Variants in IARS1 observed in about 807,000 individuals in gnomAD.
The protein encoded by IARS1 is isoleucine--tRNA ligase, cytoplasmic.
IARS1 carries 124 observed loss-of-function variants against 168.2 expected under a neutral mutation model. The observed-to-expected ratio is 0.74, with a 90% CI of 0.64 to 0.86. The LOEUF (loss-of-function observed/expected upper bound fraction) is 0.86. Ranked by LOEUF, IARS1 falls within the 40% of genes least tolerant of loss-of-function variation. The pLI, the probability that IARS1 is intolerant of heterozygous loss-of-function variation, is 0.00. For synonymous variants in IARS1, 532 were observed against 529.4 expected, an observed-to-expected ratio of 1.00 and a Z score of -0.07; for missense variants, 1,452 against 1,515.8, an observed-to-expected ratio of 0.96 and a Z score of 0.70.
At chr9:92,214,719 TA>T (rs1838342496) in intron 33 of IARS1, among the ~76,000 whole-genome samples, 1 of 152,148 alleles carries the variant, frequency 6.6e-6, no homozygotes, top group South Asian at 2.1e-4. Context: ...CCGATGGGCT[TA>T]AAAAACGGCG....
chr9:92,259,694 T>G (rs774949285), intron 18 of IARS1, among the ~76,000 whole-genome samples: 5 of 152,200 alleles, frequency 3.3e-5, no homozygotes, highest in Non-Finnish European at 7.3e-5. Flanking sequence ...GTTTCATGAT[T>G]ACAGCTACCT....
chr9:92,247,152 C>T (rs1829317566), intron 26 of IARS1, among the ~76,000 whole-genome samples: 1 of 152,038 alleles, frequency 6.6e-6, no homozygotes, highest in Non-Finnish European at 1.5e-5. Context: ...CAAGATCGCG[C>T]CACTGTGCTC....
intron 1 of IARS1, among the ~76,000 whole-genome samples, chr9:92,290,431 C>T (rs1836141200): frequency 6.6e-6 from 1 of 152,124 alleles, no homozygotes; most frequent in African/African-American, 2.4e-5. Context: ...TGTATACATC[C>T]TGGATACAAA....
At chr9:92,279,656 C>A (rs1014751380) in intron 7 of IARS1, among the ~76,000 whole-genome samples, 5 of 152,190 alleles carry the variant, frequency 3.3e-5, no homozygotes, top group Admixed American at 1.3e-4. Flanking sequence ...TGTTTTAATA[C>A]AACTATTTTT....
chr9:92,211,529 T>A (rs1837765828), intron 33 of IARS1, among the ~76,000 whole-genome samples: 1 of 152,164 alleles, frequency 6.6e-6, no homozygotes, highest in African/African-American at 2.4e-5. Context: ...GGGGGTCTTG[T>A]GTGGATCTTT....
At chr9:92,278,710 G>T (rs1834101828) in intron 7 of IARS1, among the ~76,000 whole-genome samples, 2 of 152,136 alleles carry the variant, frequency 1.3e-5, no homozygotes. Flanking sequence ...AGGTAAATGT[G>T]TAAGTTCTTT....
At chr9:92,265,424 C>CAGGT in intron 15 of IARS1, 56 bp downstream of exon 15, 2 of 1,453,742 alleles carry the variant, frequency 1.4e-6, no homozygotes, top group Non-Finnish European at 1.9e-6. Flanking sequence ...TGCTAGAGAC[C>CAGGT]AGGTCTTAAT....
chr9:92,252,485 G>A, intron 21 of IARS1: 1 of 462,948 alleles, frequency 2.2e-6, no homozygotes, highest in Non-Finnish European at 4.3e-6. Flanking sequence ...AGACATGACT[G>A]GCCAGGCACG....
At chr9:92,260,013 CA>C in intron 18 of IARS1, 137 bp downstream of exon 18, 1 of 635,212 alleles carries the variant, frequency 1.6e-6, no homozygotes, top group Non-Finnish European at 2.8e-6. Context: ...ACAACCATAC[CA>C]ACATAACATC....
intron 14 of IARS1, among the ~76,000 whole-genome samples, chr9:92,267,882 C>T (rs926548984): frequency 6.6e-6 from 1 of 151,780 alleles, no homozygotes; most frequent in African/African-American, 2.4e-5. Flanking sequence ...GAAAAGACAT[C>T]GGGGAAACAC....
intron 30 of IARS1, among the ~76,000 whole-genome samples, chr9:92,237,417 A>T (rs1827701096): frequency 6.6e-6 from 1 of 152,162 alleles, no homozygotes; most frequent in Non-Finnish European, 1.5e-5. Context: ...AACTGTATTA[A>T]TTGGTTGAGG....
chr9:92,278,864 G>T (rs1477961367), intron 7 of IARS1, among the ~76,000 whole-genome samples: 1 of 152,098 alleles, frequency 6.6e-6, no homozygotes, highest in East Asian at 1.9e-4. Flanking sequence ...ATAGAGGTAC[G>T]AATTATTTCT....
chr9:92,291,449 T>C (rs1228014552), intron 1 of IARS1, among the ~76,000 whole-genome samples: 2 of 152,216 alleles, frequency 1.3e-5, no homozygotes, highest in South Asian at 4.1e-4. Flanking sequence ...CATTTTCTTT[T>C]ACCCTCATTA....
chr9:92,250,615 G>A, intron 23 of IARS1, 98 bp downstream of exon 23: 1 of 1,336,972 alleles, frequency 7.5e-7, no homozygotes, highest in Non-Finnish European at 1.0e-6. Context: ...GCAAGGCACA[G>A]ATGGAGCTGG....
chr9:92,214,913 GC>G (rs1838393726), intron 33 of IARS1, among the ~76,000 whole-genome samples: 1 of 152,378 alleles, frequency 6.6e-6, no homozygotes, highest in Admixed American at 6.5e-5. Flanking sequence ...ATTGGGTGGA[GC>G]CCACCACAGC....
chr9:92,249,986 CTAAAACTGCA>C, intron 24 of IARS1, 45 bp from the exon 25 acceptor site: 1 of 1,113,268 alleles, frequency 9.0e-7, no homozygotes, highest in Non-Finnish European at 1.4e-6. Flanking sequence ...AGCCAGTCCT[CTAAAACTGCA>C]GAAAAATGGA....
Position 92,285,836 on chromosome 9 carries a change from C to A in IARS1, c.483G>T (p.Trp161Cys). 6.4e-7 allele frequency: 1 copy of A among 1,564,522 alleles called. No individual in the cohort carries two copies. The highest frequency in any genetic ancestry group is 8.8e-7 in the Non-Finnish European group (1 of 1,136,846). ...CTTTATCATAGAGTTGTTTGAAGAC[C>A]CACCTGGTAAGAGATGGAGTTTCAC... Reference protein sequence around the residue: ...LYPQFMESVWWVFKQLYDKGL... With the variant: ...LYPQFMESVWCVFKQLYDKGL... The change falls in exon 6 of 34, where the codon TGG becomes TGT. Residue 161 changes from tryptophan to cysteine, a missense_variant. Coordinates refer to ENST00000443024, the MANE Select transcript of IARS1 (RefSeq NM_002161.6).
At chr9:92,212,123 A>G (rs964821591) in intron 33 of IARS1, among the ~76,000 whole-genome samples, 10 of 152,230 alleles carry the variant, frequency 6.6e-5, no homozygotes, top group Admixed American at 6.5e-4. Context: ...GAATACTCTC[A>G]AAGCTACTTC....
chr9:92,250,943 AC>A, intron 22 of IARS1, 109 bp from the exon 23 acceptor site: 1 of 1,213,694 alleles, frequency 8.2e-7, no homozygotes, highest in South Asian at 1.4e-5. Context: ...AGTAATAGGC[AC>A]CAAAATGAGC....
Sources: allele counts gnomAD v4.1 joint callset (sites outside exome capture counted in the v4.1 genomes callset), GRCh38; gene constraint gnomAD v4.1.1; transcripts MANE v1.5; gene names NCBI Gene and HGNC (gene_info 2026-07-23, HGNC 2026-07-21).